Variants in UGT1A8 observed in about 807,000 individuals in gnomAD.
UGT1A8 encodes UDP glucuronosyltransferase family 1 member A8.
Under a neutral mutation model 45.3 loss-of-function variants are expected in UGT1A8, and 39 were observed. The observed-to-expected ratio is 0.86, with a 90% CI of 0.67 to 1.12. UGT1A8 has a LOEUF of 1.12. Ranked by LOEUF, UGT1A8 falls within the 50% of genes most tolerant of loss-of-function variation. UGT1A8 has a pLI of 0.00. For missense variants in UGT1A8, 719 were observed against 664.9 expected (o/e 1.08, Z -0.90); for synonymous variants, 275 against 249.2 (o/e 1.10, Z -0.97).
At chr2:233,715,316 T>C (rs2076444924) in intron 1 of UGT1A8, among the ~76,000 whole-genome samples, 1 of 152,236 alleles carries the variant, frequency 6.6e-6, no homozygotes, top group Non-Finnish European at 1.5e-5. Flanking sequence ...TTTTGCTTTA[T>C]ACATAGTGAT....
At chr2:233,682,341 A>T in intron 1 of UGT1A8, 1 of 1,614,096 alleles carries the variant, frequency 6.2e-7, no homozygotes, top group Non-Finnish European at 8.5e-7. Flanking sequence ...AAATTAGTAG[A>T]ATACTTAAAG....
At chr2:233,768,043 A>G in intron 3 of UGT1A8, 107 bp downstream of exon 3, 1 of 1,608,218 alleles carries the variant, frequency 6.2e-7, no homozygotes, top group Non-Finnish European at 8.5e-7. Flanking sequence ...ATTATGGCCA[A>G]CATATCCTAC....
intron 1 of UGT1A8, among the ~76,000 whole-genome samples, chr2:233,676,457 ACAACTCATTCAC>A (rs1320843255): frequency 1.3e-5 from 2 of 152,218 alleles, no homozygotes; most frequent in African/African-American, 4.8e-5. Flanking sequence ...CACATCCATC[ACAACTCATTCAC>A]CAATATTGAC....
rs6735370 is a variant in UGT1A8 at position 233,743,982 on chromosome 2, C to A, written c.856-23052C>A. 7.7e-6 allele frequency: 10 copies of A among 1,297,000 alleles called. 1 individual carries two copies. The highest frequency in any genetic ancestry group is 4.6e-5 in the African/African-American group (3 of 65,422). The allele number at this position is 1,297,000 out of a possible 1,614,324, so 80.3% of individuals were successfully genotyped here. The stretch of plus-strand genomic sequence containing the variant: ...AGCGGCAAGGCTGCCAGCACCCAGG[C>A]GCAGGCCCGAGTGCTCGGAGACCTG... On this transcript the variant is annotated intron_variant, in intron 1 of 4. Transcript: ENST00000373450.
chr2:233,770,723 A>G (rs1412747955), intron 4 of UGT1A8: 1 of 152,146 alleles, frequency 6.6e-6, no homozygotes, highest in African/African-American at 2.4e-5. Context: ...AAGGAAGATG[A>G]TATTTAACAT....
chr2:233,704,333 TTTAAAAAG>T (rs2075781731), intron 1 of UGT1A8, among the ~76,000 whole-genome samples: 1 of 150,642 alleles, frequency 6.6e-6, no homozygotes, highest in Non-Finnish European at 1.5e-5. Flanking sequence ...CTTTCCACTA[TTTAAAAAG>T]TTGTGTTCTG....
rs576537163 is a variant in UGT1A8 at position 233,710,782 on chromosome 2, G to A, written c.856-56252G>A. On this transcript the variant is annotated intron_variant, in intron 1 of 4. Transcript: ENST00000373450. Reference sequence around the variant, plus strand: ...TTTGATTAAGTCAATTTTAGCAAACGTTTTGTGTTTTGTACCCCTCGTGCC... The same window carrying A: ...TTTGATTAAGTCAATTTTAGCAAACATTTTGTGTTTTGTACCCCTCGTGCC... Among the ~76,000 whole-genome samples the A allele has an allele frequency of 3.3e-5, 5 of 152,292 alleles. No individual in the cohort carries two copies. In the South Asian group the frequency reaches 8.3e-4, roughly 25 times the overall value.
intron 1 of UGT1A8, among the ~76,000 whole-genome samples, chr2:233,734,753 G>A (rs1356285127): frequency 1.3e-5 from 2 of 152,142 alleles, no homozygotes; most frequent in Non-Finnish European, 2.9e-5. Flanking sequence ...CTTTATTTCT[G>A]CCTTCACTTC....
At chr2:233,686,379 G>C (rs2125534524) in intron 1 of UGT1A8, among the ~76,000 whole-genome samples, 1 of 152,062 alleles carries the variant, frequency 6.6e-6, no homozygotes, top group Middle Eastern at 3.4e-3. Context: ...AGAATGAAAA[G>C]ACAACTCGTG....
intron 1 of UGT1A8, among the ~76,000 whole-genome samples, chr2:233,633,494 A>G (rs2073227409): frequency 6.6e-6 from 1 of 152,132 alleles, no homozygotes; most frequent in African/African-American, 2.4e-5. Context: ...AAAACCTGTT[A>G]TTGGTCTATT....
At chr2:233,730,481 T>A (rs1335220137) in intron 1 of UGT1A8, among the ~76,000 whole-genome samples, 1 of 152,146 alleles carries the variant, frequency 6.6e-6, no homozygotes, top group Non-Finnish European at 1.5e-5. Context: ...GGCACTCACA[T>A]GAAATAGAAG....
chr2:233,632,457 C>T (rs926438512), intron 1 of UGT1A8, among the ~76,000 whole-genome samples: 3 of 152,196 alleles, frequency 2.0e-5, no homozygotes, highest in African/African-American at 7.2e-5. Flanking sequence ...TTGATTCTTC[C>T]TATCCATGAG....
At chr2:233,699,780 G>A (rs2075523422) in intron 1 of UGT1A8, among the ~76,000 whole-genome samples, 1 of 152,284 alleles carries the variant, frequency 6.6e-6, no homozygotes, top group South Asian at 2.1e-4. Flanking sequence ...CTGTTCCCAA[G>A]TTTCCTCCTC....
intron 1 of UGT1A8, among the ~76,000 whole-genome samples, chr2:233,738,306 T>C (rs181527860): frequency 9.5e-4 from 144 of 152,344 alleles, no homozygotes; most frequent in Non-Finnish European, 1.5e-3. Context: ...TATGTCTTTA[T>C]AGCAGTGTGT....
rs764918207 is a variant in UGT1A8 at position 233,760,359 on chromosome 2, G to A, written c.856-6675G>A. 62 of 1,614,004 alleles carry A rather than the reference G, an allele frequency of 3.8e-5. No homozygotes were observed. The South Asian group carries it at 4.0e-4, about 10-fold the overall frequency. ...TGCTGTGTGTGCTGGGCCCAGTGGTGTCCCATGCTGGGAAGATACTGTTGA... is the reference window on the plus strand; with the variant it reads ...TGCTGTGTGTGCTGGGCCCAGTGGTATCCCATGCTGGGAAGATACTGTTGA... On this transcript the variant is annotated intron_variant, in intron 1 of 4. Transcript: ENST00000373450.
At chr2:233,666,425 T>C (rs906785086) in intron 1 of UGT1A8, among the ~76,000 whole-genome samples, 1 of 152,228 alleles carries the variant, frequency 6.6e-6, no homozygotes, top group Non-Finnish European at 1.5e-5. Context: ...AGTTTTAGTT[T>C]GATTACCCTA....
rs976503786 is a variant in UGT1A8, at chr2:233,636,308, G to T, written c.855+17746G>T. On this transcript the variant is annotated intron_variant, in intron 1 of 4. Transcript: ENST00000373450. ...AAGGCGAAGACCATAATCTACTCTTGTCTGGAAATCATACAAGTAGGTATC... is the reference window on the plus strand; with the variant it reads ...AAGGCGAAGACCATAATCTACTCTTTTCTGGAAATCATACAAGTAGGTATC... 12 of 788,478 alleles carry T rather than the reference G, an allele frequency of 1.5e-5. 1 individual carries two copies. The Admixed American group carries it at 2.6e-4, about 17-fold the overall frequency. 48.8% of individuals were successfully genotyped at this position (788,478 alleles called of 1,614,324 possible).
intron 1 of UGT1A8, among the ~76,000 whole-genome samples, chr2:233,653,767 T>G (rs1348277157): frequency 6.6e-6 from 1 of 152,194 alleles, no homozygotes; most frequent in African/African-American, 2.4e-5. Context: ...CAGCAAATTT[T>G]TGTATTTTTA....
chr2:233,645,668 A>G (rs2073582036), intron 1 of UGT1A8, among the ~76,000 whole-genome samples: 1 of 152,196 alleles, frequency 6.6e-6, no homozygotes, highest in Admixed American at 6.5e-5. Flanking sequence ...CTTTGACTCC[A>G]TGTCTCACAT....
Sources: gnomAD v4.1 joint callset for allele counts (sites outside exome capture counted in the v4.1 genomes callset) on GRCh38, gnomAD v4.1.1 for gene constraint, MANE v1.5 for transcripts, NCBI Gene and HGNC (gene_info 2026-07-23, HGNC 2026-07-21) for gene names.